KAZN: variants seen among roughly 807,000 people sequenced by gnomAD.
The protein encoded by KAZN is kazrin.
Under a neutral mutation model 87.4 loss-of-function variants are expected in KAZN, and 40 were observed. The ratio of observed to expected loss-of-function variants is 0.46; its 90% CI spans 0.36 to 0.60. The LOEUF (loss-of-function observed/expected upper bound fraction) is 0.60. KAZN is among the 20% of genes least tolerant of loss of function. The probability of loss-of-function intolerance (pLI) is 0.00; values close to 1 mark genes in which losing one functional copy is unlikely to be tolerated. For missense variants in KAZN, 898 were observed against 1,073.9 expected, an observed-to-expected ratio of 0.84 and a Z score of 2.29; for synonymous variants, 466 against 458.3, an observed-to-expected ratio of 1.02 and a Z score of -0.22.
intron 2 of KAZN, 148 bp downstream of exon 2, chr1:14,961,023 G>A (rs1010071915): frequency 3.8e-6 from 3 of 780,604 alleles, no homozygotes; most frequent in Non-Finnish European, 5.9e-6. Flanking sequence ...CCTTCTTCGA[G>A]TGGAATTCTG....
At chr1:14,595,699 G>A (rs55836947), upstream of KAZN, among the ~76,000 whole-genome samples, 9,541 of 134,750 alleles carry the variant, frequency 0.071, 1,313 homozygotes, top group African/African-American at 0.26. Context: ...AAAAAAAAAA[G>A]AAAAAGAAAA....
chr1:14,194,086 C>T lies in KAZN; in HGVS notation c.249+13494C>T, dbSNP rs561181557. 5.3e-5 allele frequency among the ~76,000 whole-genome samples: 8 copies of T among 152,254 alleles called. No individual in the cohort carries two copies. In the South Asian group the frequency reaches 1.2e-3, roughly 24 times the overall value. On this transcript the variant is annotated intron_variant, in intron 2 of 16. Coordinates refer to the KAZN transcript ENST00000636203. ...TCTAAATCAAAGGGAAACATGTCTT[C>T]CCTCATCTGGGAAGTATTCCAGATG...
intron 1 of KAZN, among the ~76,000 whole-genome samples, chr1:13,992,465 A>G (rs1639328841): frequency 6.6e-6 from 1 of 152,050 alleles, no homozygotes; most frequent in Non-Finnish European, 1.5e-5. Flanking sequence ...TTAAGTAGTG[A>G]GTCATGGAGG....
intron 2 of KAZN, among the ~76,000 whole-genome samples, chr1:14,580,648 A>T (rs1314435266): frequency 6.6e-6 from 1 of 152,054 alleles, no homozygotes. Context: ...ATTAGGAGAA[A>T]AGGGACTAAC....
chr1:14,748,585 A>G (rs1355881312), intron 1 of KAZN, among the ~76,000 whole-genome samples: 1 of 152,230 alleles, frequency 6.6e-6, no homozygotes, highest in South Asian at 2.1e-4. Flanking sequence ...CGTGTAAGTC[A>G]TTTGTAACAG....
At chr1:14,261,832 C>G (rs886885616) in intron 2 of KAZN, among the ~76,000 whole-genome samples, 4 of 152,110 alleles carry the variant, frequency 2.6e-5, no homozygotes, top group Non-Finnish European at 5.9e-5. Context: ...CTCCTTGCTT[C>G]TGGAATTCAG....
intron 2 of KAZN, among the ~76,000 whole-genome samples, chr1:14,309,994 A>T (rs940448841): frequency 2.0e-5 from 3 of 152,198 alleles, no homozygotes; most frequent in African/African-American, 7.2e-5. Flanking sequence ...GGGATGAAGC[A>T]GCAGGAAGAG....
At chr1:13,899,243 C>A (rs1639156052) in intron 1 of KAZN, among the ~76,000 whole-genome samples, 2 of 152,204 alleles carry the variant, frequency 1.3e-5, no homozygotes, top group Non-Finnish European at 2.9e-5. Context: ...TATTGTGCTA[C>A]ATTCTTTACA....
chr1:14,387,075 G>A (rs10927420), intron 2 of KAZN, among the ~76,000 whole-genome samples: 48,098 of 151,708 alleles, frequency 0.32, 8,460 homozygotes, highest in East Asian at 0.72. Flanking sequence ...ATCTTCCATC[G>A]CTGATACCCT....
In KAZN at chr1:15,115,448, C is replaced by T. The variant is rs1641811314; in HGVS notation, c.*813C>T. ...TGACCGACGGCCCCATATGGTGAAT[C>T]TCTGGCCTGTGGTTTGGCTTTACTG... is the stretch of plus-strand genomic sequence containing the variant. On this transcript the variant is annotated 3_prime_UTR_variant, in exon 15 of 15. Coordinates refer to ENST00000376030, the MANE Select transcript of KAZN (RefSeq NM_201628.3). This position sits in a 1 kb window ranked among gnomAD's most constrained non-coding sequence, Gnocchi z 4.1. The T allele has an allele frequency of 6.6e-6, 1 of 152,164 alleles. No individual in the cohort carries two copies. 9.4% of individuals were successfully genotyped at this position (152,164 alleles called of 1,614,324 possible).
chr1:13,911,618 G>A lies in KAZN; in HGVS notation c.91+17862G>A, dbSNP rs116457581. On this transcript the variant is annotated intron_variant, in intron 1 of 16. Coordinates refer to the KAZN transcript ENST00000636203. ...TTCTGATGCTGAAGGAAGACATCAC[G>A]TCCTTTGAGGTCTATATAAATTGTC... 9.7e-4 allele frequency among the ~76,000 whole-genome samples: 147 copies of A among 152,268 alleles called. 1 individual carries two copies. Among genetic ancestry groups the A allele is most frequent in the African/African-American group, 3.3e-3 (138 of 41,546 alleles).
intron 1 of KAZN, among the ~76,000 whole-genome samples, chr1:14,698,351 G>C (rs925585113): frequency 6.6e-6 from 1 of 152,164 alleles, no homozygotes; most frequent in Non-Finnish European, 1.5e-5. Context: ...GGCATCTGCC[G>C]CTTGATGCCA....
At chr1:14,950,846 G>T (rs12563750) in intron 1 of KAZN, among the ~76,000 whole-genome samples, 9,930 of 152,208 alleles carry the variant, frequency 0.065, 437 homozygotes, top group Middle Eastern at 0.16. Flanking sequence ...AGGGTTGTCT[G>T]CCCAGCTGCA....
chr1:14,159,909 C>T (rs1349913031), intron 1 of KAZN, among the ~76,000 whole-genome samples: 1 of 152,124 alleles, frequency 6.6e-6, no homozygotes, highest in African/African-American at 2.4e-5. Flanking sequence ...GGAACTAGGG[C>T]CTGGAAAGGG....
intron 1 of KAZN, among the ~76,000 whole-genome samples, chr1:13,902,731 A>C (rs1201672252): frequency 6.6e-6 from 1 of 152,226 alleles, no homozygotes; most frequent in South Asian, 2.1e-4. Context: ...TGAGATGATG[A>C]ATATTTCTCC....
chr1:14,274,790 G>C (rs935951645), intron 2 of KAZN, among the ~76,000 whole-genome samples: 4 of 152,108 alleles, frequency 2.6e-5, no homozygotes, highest in Admixed American at 2.0e-4. Flanking sequence ...ACACATCACA[G>C]CATGGGATGG....
rs770674763 is a variant in KAZN, at chr1:15,103,353, C to A, written c.1780-6C>A. The A allele has an allele frequency of 6.5e-7, 1 of 1,550,352 alleles. No homozygotes were observed. Among genetic ancestry groups the A allele is most frequent in the Middle Eastern group, 1.8e-4 (1 of 5,486 alleles). On this transcript the variant is annotated splice_region_variant and splice_polypyrimidine_tract_variant and intron_variant, in intron 11 of 14. Coordinates refer to ENST00000376030, the MANE Select transcript of KAZN (RefSeq NM_201628.3). Reference sequence around the variant, plus strand: ...CCCTCCGAATGACCCACTGTCTCCCCACAAGGCCCTCCAGGAGCGCCGGGC... The same window carrying A: ...CCCTCCGAATGACCCACTGTCTCCCAACAAGGCCCTCCAGGAGCGCCGGGC...
intron 1 of KAZN, among the ~76,000 whole-genome samples, chr1:14,684,581 A>T (rs1640851163): frequency 6.6e-6 from 1 of 152,184 alleles, no homozygotes; most frequent in Non-Finnish European, 1.5e-5. Context: ...GTGTTGGCAG[A>T]GCTGGTTCCT....
intron 1 of KAZN, among the ~76,000 whole-genome samples, chr1:14,848,384 C>T (rs1400657138): frequency 1.3e-5 from 2 of 152,204 alleles, no homozygotes; most frequent in Non-Finnish European, 2.9e-5. Context: ...TCAGTTTCCT[C>T]ATCTGTAAAA....
Sources: gnomAD v4.1 joint callset for allele counts (sites outside exome capture counted in the v4.1 genomes callset) on GRCh38, gnomAD v4.1.1 for gene constraint, Gnocchi (gnomAD v3.1) non-coding constraint, MANE v1.5 for transcripts, NCBI Gene and HGNC (gene_info 2026-07-23, HGNC 2026-07-21) for gene names.